Variants in ATR observed in about 807,000 individuals in gnomAD.
ATR encodes ATR checkpoint kinase.
A neutral mutation model predicts 305.3 loss-of-function variants in ATR; 142 were observed. The observed-to-expected ratio is 0.47, with a 90% CI of 0.41 to 0.53. The LOEUF is 0.53. Among genes scored for constraint, ATR ranks in the 20% least tolerant of loss-of-function variants. The pLI is 0.00. For synonymous variants in ATR, 1,050 were observed against 1,068.1 expected (o/e 0.98, Z 0.33); for missense variants, 2,135 against 3,133.1 (o/e 0.68, Z 7.60).
chr3:142,498,026 C>T (rs1183551408), intron 32 of ATR, among the ~76,000 whole-genome samples: 4 of 152,000 alleles, frequency 2.6e-5, no homozygotes, highest in East Asian at 1.9e-4. Flanking sequence ...TATCACCAAA[C>T]GGGTTGATAC....
At chr3:142,522,900 G>A (rs1289132177) in intron 22 of ATR, 59 bp from the exon 23 acceptor site, 2 of 1,285,760 alleles carry the variant, frequency 1.6e-6, no homozygotes, top group African/African-American at 2.9e-5. Flanking sequence ...TTTCTTAGGT[G>A]TACTGCTTTT....
At chr3:142,503,806 T>C (rs1025938829) in intron 29 of ATR, among the ~76,000 whole-genome samples, 2 of 152,342 alleles carry the variant, frequency 1.3e-5, no homozygotes, top group Middle Eastern at 3.4e-3. Context: ...CATAAATAAA[T>C]GTAGACAACA....
chr3:142,546,051 C>T (rs1170067285), intron 16 of ATR, among the ~76,000 whole-genome samples: 1 of 152,158 alleles, frequency 6.6e-6, no homozygotes, highest in Non-Finnish European at 1.5e-5. Context: ...CTGCTCCGTA[C>T]CTGGGACACT....
In ATR at chr3:142,457,666, A is replaced by G; in HGVS notation, c.7593T>C (p.Leu2531=). The change falls in exon 45 of 47, where the codon CTT becomes CTC. Residue 2531 remains leucine (L), a synonymous_variant. Coordinates refer to ENST00000350721, the MANE Select transcript of ATR (RefSeq NM_001184.4). The part of the protein sequence containing the change: ...NGMGPMGTEG[L]FRRACEVTMR... ...TTGTAACTTCACATGCTCTTCGAAA[A>G]AGACCCTCTGTTCCCATAGGACCCA... The G allele has an allele frequency of 6.2e-7, 1 of 1,614,076 alleles. No homozygotes were observed. Among genetic ancestry groups the G allele is most frequent in the Non-Finnish European group, 8.5e-7 (1 of 1,179,980 alleles).
At chr3:142,532,914 G>A (rs907687948) in intron 21 of ATR, among the ~76,000 whole-genome samples, 11 of 152,148 alleles carry the variant, frequency 7.2e-5, no homozygotes, top group African/African-American at 2.4e-4. Context: ...TCTTATGCCA[G>A]TTTCATGCTC....
chr3:142,456,322 C>A (rs1285898337), intron 45 of ATR, among the ~76,000 whole-genome samples: 1 of 152,112 alleles, frequency 6.6e-6, no homozygotes, highest in African/African-American at 2.4e-5. Context: ...AATCCCAGCA[C>A]TTTGGGAGGC....
intron 36 of ATR, among the ~76,000 whole-genome samples, chr3:142,482,181 T>A (rs2030549082): frequency 6.6e-6 from 1 of 152,200 alleles, no homozygotes; most frequent in Admixed American, 6.5e-5. Context: ...ATGTTTTATG[T>A]ACTTAAGGTT....
chr3:142,578,324 T>C (rs995605631), intron 1 of ATR, among the ~76,000 whole-genome samples: 10 of 152,288 alleles, frequency 6.6e-5, no homozygotes, highest in African/African-American at 2.2e-4. Flanking sequence ...TGTAGAAAAG[T>C]GACCAGAAAG....
chr3:142,459,400 T>C lies in ATR; in HGVS notation c.7193-17A>G, dbSNP rs748744237. 3.7e-6 allele frequency: 6 copies of C among 1,613,546 alleles called. No homozygotes were observed. In the Admixed American group the frequency reaches 6.7e-5, roughly 18 times the overall value. On this transcript the variant is annotated splice_polypyrimidine_tract_variant and intron_variant, in intron 42 of 46. Transcript: ENST00000350721. ...TATACACTCCTGCAAGGAAGAGTGA[T>C]ATCCATTAATCACATCAGCCAAATG...
intron 4 of ATR, 102 bp downstream of exon 4, chr3:142,562,130 T>C: frequency 8.1e-7 from 1 of 1,228,446 alleles, no homozygotes; most frequent in Non-Finnish European, 1.1e-6. Context: ...TAAATTACTA[T>C]TAAAGATATT....
intron 46 of ATR, chr3:142,450,269 CCTTTTGCAGTTGCAAACCAG>C: frequency 1.4e-6 from 1 of 740,140 alleles, no homozygotes; most frequent in Admixed American, 2.0e-5. Flanking sequence ...GCCAACTTTC[CCTTTTGCAGTTGCAAACCAG>C]CTGCCGCTTA....
chr3:142,560,115 A>C (rs1450508990), intron 6 of ATR, 148 bp downstream of exon 6: 3 of 769,288 alleles, frequency 3.9e-6, no homozygotes, highest in Non-Finnish European at 6.7e-6. Context: ...CGTACCTAGC[A>C]TTTGACTCAA....
At chr3:142,489,899 T>C (rs2031177143) in intron 35 of ATR, among the ~76,000 whole-genome samples, 1 of 152,244 alleles carries the variant, frequency 6.6e-6, no homozygotes, top group African/African-American at 2.4e-5. Context: ...GTATTGCTAG[T>C]CTTTCAGACT....
rs1285788948 is a variant in ATR at position 142,553,968 on chromosome 3, C to T, written c.2389G>A (p.Glu797Lys). 1.9e-6 allele frequency: 3 copies of T among 1,610,346 alleles called. No homozygotes were observed. The highest frequency in any genetic ancestry group is 2.7e-5 in the African/African-American group (2 of 74,722). The change falls in exon 11 of 47, where the codon GAA becomes AAA. Residue 797 changes from glutamate (E) to lysine (K), a missense_variant. Physicochemically the swap from Glu to Lys is moderately conservative, Grantham distance 56 (BLOSUM62 1). This residue lies in a region of ATR where 530 missense variants were observed against 766.8 expected (regional missense o/e 0.69). Coordinates refer to ENST00000350721, the MANE Select transcript of ATR (RefSeq NM_001184.4). ...ACTGCTTTTACATCTGTTTCATCTT[C>T]TCTAAAATCAAGATGCTTACAAAGA... ...HHLCKHLDFR[E>K]DETDVKAVLG... is the part of the protein sequence containing the mutation.
chr3:142,480,092 A>G (rs943420198), intron 36 of ATR, among the ~76,000 whole-genome samples: 3 of 152,120 alleles, frequency 2.0e-5, no homozygotes, highest in African/African-American at 7.2e-5. Flanking sequence ...CAACTCGTCA[A>G]AGTCATTCTC....
In ATR at chr3:142,561,398, T is replaced by G; in HGVS notation, c.1194A>C (p.Ala398=). The change falls in exon 5 of 47, where the codon GCA becomes GCC. Residue 398 remains alanine (A), a synonymous_variant. Coordinates refer to ENST00000350721, the MANE Select transcript of ATR (RefSeq NM_001184.4). ...DAEYLLGPLY[A]ALKMESMEII... is the part of the protein sequence containing the mutation. ...TTTCCATACTTTCCATTTTCAAAGC[T>G]GCATAAAGTGGGCCCAACAAGTACT... The G allele has an allele frequency of 6.2e-7, 1 of 1,614,010 alleles. No individual in the cohort carries two copies. The highest frequency in any genetic ancestry group is 8.5e-7 in the Non-Finnish European group (1 of 1,179,944).
At position 142,561,285 on chromosome 3, in the gene ATR, G is replaced by A. The variant is rs760248783; in HGVS notation, c.1307C>T (p.Ser436Leu). The change falls in exon 5 of 47, where the codon TCG becomes TTG. Residue 436 changes from serine (S) to leucine (L), a missense_variant. Transcript: ENST00000350721. ...GISPKRRRLS[S>L]SLNPSKRAPK... is the part of the protein sequence containing the mutation. ...TGCTCTTTTAGAAGGGTTTAGAGAC[G>A]AGCTGAGACGACGCCTTTTGGGTGA... The A allele has an allele frequency of 7.4e-6, 12 of 1,613,980 alleles. No individual in the cohort carries two copies. In the South Asian group the frequency reaches 8.8e-5, roughly 12 times the overall value.
intron 29 of ATR, 113 bp from the exon 30 acceptor site, chr3:142,503,566 T>A: frequency 6.0e-6 from 3 of 500,888 alleles, no homozygotes; most frequent in Non-Finnish European, 1.0e-5. Flanking sequence ...ATTGCCCTTA[T>A]TTTTTTATTA....
intron 45 of ATR, among the ~76,000 whole-genome samples, chr3:142,455,942 G>A (rs1272237904): frequency 6.6e-6 from 1 of 152,208 alleles, no homozygotes; most frequent in African/African-American, 2.4e-5. Flanking sequence ...ATCAAAGAAA[G>A]TGAAGAGACA....
Sources: gnomAD v4.1 joint callset for allele counts (sites outside exome capture counted in the v4.1 genomes callset) on GRCh38, gnomAD v4.1.1 for gene constraint, gnomAD v4.1.1 regional missense constraint, MANE v1.5 for transcripts, NCBI Gene and HGNC (gene_info 2026-07-23, HGNC 2026-07-21) for gene names.